Variants in LMX1A observed in about 807,000 individuals in gnomAD.
The protein encoded by LMX1A is LIM homeobox transcription factor 1-alpha.
Under a neutral mutation model 49.1 loss-of-function variants are expected in LMX1A, and 15 were observed. That is an observed-to-expected ratio of 0.31 (90% confidence interval 0.20 to 0.47). LMX1A has a LOEUF of 0.47. LMX1A is among the 20% of genes least tolerant of loss of function. The pLI is 1.00. For synonymous variants in LMX1A, 167 were observed against 185.7 expected, an observed-to-expected ratio of 0.90 and a Z score of 0.82; for missense variants, 372 against 475.8, an observed-to-expected ratio of 0.78 and a Z score of 2.03.
At chr1:165,310,565 C>T (rs1438997443) in intron 3 of LMX1A, among the ~76,000 whole-genome samples, 2 of 152,240 alleles carry the variant, frequency 1.3e-5, no homozygotes, top group African/African-American at 4.8e-5. Context: ...CAATCTGGCT[C>T]TCTGTGCAGT....
intron 3 of LMX1A, among the ~76,000 whole-genome samples, chr1:165,291,953 A>T (rs1002432373): frequency 1.3e-5 from 2 of 150,628 alleles, no homozygotes; most frequent in Non-Finnish European, 3.0e-5. Context: ...TCCCAGCTAC[A>T]CGGGAGGCTG....
chr1:165,349,314 CA>C (rs1436664016), intron 3 of LMX1A, among the ~76,000 whole-genome samples: 1 of 152,230 alleles, frequency 6.6e-6, no homozygotes, highest in African/African-American at 2.4e-5. Flanking sequence ...CTAACCAGAT[CA>C]TAGAGGACTC....
intron 4 of LMX1A, among the ~76,000 whole-genome samples, chr1:165,233,291 CA>C (rs35412944): frequency 0.11 from 16,087 of 152,094 alleles, 1,089 homozygotes; most frequent in Admixed American, 0.14. Flanking sequence ...CCAGTATCTA[CA>C]AAAAATTTAA....
At chr1:165,332,223 GAACA>G (rs1377731405) in intron 3 of LMX1A, among the ~76,000 whole-genome samples, 1 of 151,970 alleles carries the variant, frequency 6.6e-6, no homozygotes, top group Non-Finnish European at 1.5e-5. Context: ...GAGGAACAGA[GAACA>G]AACAACAGAG....
chr1:165,241,332 G>A (rs1652646290), intron 4 of LMX1A, among the ~76,000 whole-genome samples: 2 of 152,176 alleles, frequency 1.3e-5, no homozygotes, highest in Admixed American at 1.3e-4. Context: ...TATGACCCAG[G>A]AGCCATCCAT....
At chr1:165,242,945 A>C (rs1301397372) in intron 4 of LMX1A, among the ~76,000 whole-genome samples, 2 of 149,326 alleles carry the variant, frequency 1.3e-5, no homozygotes, top group Non-Finnish European at 3.0e-5. Context: ...AAAAAAAAAA[A>C]AACAAAACAA....
chr1:165,257,908 T>A (rs1190155315), intron 3 of LMX1A, among the ~76,000 whole-genome samples: 3 of 152,230 alleles, frequency 2.0e-5, no homozygotes, highest in Non-Finnish European at 4.4e-5. Flanking sequence ...TGTAGTGTAC[T>A]GTGTTTGCCC....
At chr1:165,221,596 G>A (rs1651846382) in intron 4 of LMX1A, among the ~76,000 whole-genome samples, 1 of 152,144 alleles carries the variant, frequency 6.6e-6, no homozygotes, top group African/African-American at 2.4e-5. Flanking sequence ...GGGTTTCTGG[G>A]CCAGGCAGGG....
rs199529286 is a variant in LMX1A, at chr1:165,306,917, A to G, written c.263+46159T>C. 8.5e-5 allele frequency among the ~76,000 whole-genome samples: 13 copies of G among 152,306 alleles called. No individual in the cohort carries two copies. In the East Asian group the frequency reaches 1.9e-3, roughly 23 times the overall value. ...CCGCCTCCCCCTGCCCAGGCAGCAC[A>G]TAGAGTGAAGCGGTCAGCAGGAGAG... On this transcript the variant is annotated intron_variant, in intron 3 of 8. Transcript: ENST00000342310.
intron 4 of LMX1A, among the ~76,000 whole-genome samples, chr1:165,237,256 C>A (rs1013286954): frequency 2.0e-5 from 3 of 152,192 alleles, no homozygotes; most frequent in African/African-American, 7.2e-5. Context: ...TGGAGTCTCG[C>A]TCTGTCGCCC....
At chr1:165,354,931 C>A (rs928456411) in intron 2 of LMX1A, among the ~76,000 whole-genome samples, 15 of 152,050 alleles carry the variant, frequency 9.9e-5, no homozygotes, top group Non-Finnish European at 2.1e-4. Flanking sequence ...CCACAGGACC[C>A]GACATCCAGC....
chr1:165,349,759 G>T (rs1656364404), intron 3 of LMX1A, among the ~76,000 whole-genome samples: 2 of 152,084 alleles, frequency 1.3e-5, no homozygotes, highest in African/African-American at 4.8e-5. Flanking sequence ...TTTTTAATTA[G>T]AAAAACTTGG....
At chr1:165,331,937 A>T (rs1487068889) in intron 3 of LMX1A, among the ~76,000 whole-genome samples, 1 of 152,204 alleles carries the variant, frequency 6.6e-6, no homozygotes, top group Non-Finnish European at 1.5e-5. Flanking sequence ...AATAAAAATT[A>T]AAAAGTAAAT....
chr1:165,230,143 T>C, intron 4 of LMX1A, among the ~76,000 whole-genome samples: 1 of 152,162 alleles, frequency 6.6e-6, no homozygotes, highest in Non-Finnish European at 1.5e-5. Flanking sequence ...CCCAGCAGTG[T>C]TTGGACCCTG....
chr1:165,309,628 C>A (rs11799765), intron 3 of LMX1A, among the ~76,000 whole-genome samples: 26,022 of 152,180 alleles, frequency 0.17, 2,436 homozygotes, highest in African/African-American at 0.21. Context: ...AATTTGTACT[C>A]CCCACATGGC....
At position 165,316,382 on chromosome 1, in the gene LMX1A, A is replaced by G. The variant is rs181005522; in HGVS notation, c.263+36694T>C. Reference sequence around the variant, plus strand: ...CTTCAGGGCCCAGGGACAGAGCAAAACGCCCAGCTGCCTATGGAACCAGCA... The same window carrying G: ...CTTCAGGGCCCAGGGACAGAGCAAAGCGCCCAGCTGCCTATGGAACCAGCA... On this transcript the variant is annotated intron_variant, in intron 3 of 8. Transcript: ENST00000342310. Among the ~76,000 whole-genome samples the G allele has an allele frequency of 2.7e-3, 411 of 152,204 alleles. 2 individuals carry two copies. Among genetic ancestry groups the G allele is most frequent in the African/African-American group, 8.7e-3 (362 of 41,524 alleles).
chr1:165,330,646 A>G (rs1178786450), intron 3 of LMX1A, among the ~76,000 whole-genome samples: 2 of 152,214 alleles, frequency 1.3e-5, no homozygotes, highest in Non-Finnish European at 2.9e-5. Flanking sequence ...GGGAGTCACC[A>G]CATGGAAGAA....
intron 3 of LMX1A, among the ~76,000 whole-genome samples, chr1:165,327,485 G>T (rs1342768813): frequency 6.6e-6 from 1 of 152,224 alleles, no homozygotes; most frequent in East Asian, 1.9e-4. Context: ...CAGAAGGCAA[G>T]GGCAGGACTG....
At chr1:165,331,891 T>C (rs1373536415) in intron 3 of LMX1A, among the ~76,000 whole-genome samples, 1 of 152,080 alleles carries the variant, frequency 6.6e-6, no homozygotes, top group Non-Finnish European at 1.5e-5. Flanking sequence ...CACTCCAGCC[T>C]GGGCAACAAA....
Sources: gnomAD v4.1 joint callset for allele counts (sites outside exome capture counted in the v4.1 genomes callset) on GRCh38, gnomAD v4.1.1 for gene constraint, MANE v1.5 for transcripts, NCBI Gene and HGNC (gene_info 2026-07-23, HGNC 2026-07-21) for gene names.